Variants in SLC43A3 observed in about 807,000 individuals in gnomAD.
SLC43A3 encodes the protein solute carrier family 43 member 3.
SLC43A3 carries 33 observed loss-of-function variants against 53.3 expected under a neutral mutation model. That is an observed-to-expected ratio of 0.62 (90% CI 0.47 to 0.83). The LOEUF is 0.83. SLC43A3 is among the 40% of genes least tolerant of loss of function. SLC43A3 has a pLI of 0.00. For synonymous variants in SLC43A3, 236 were observed against 246.2 expected, an observed-to-expected ratio of 0.96 and a Z score of 0.39; for missense variants, 530 against 610.0, an observed-to-expected ratio of 0.87 and a Z score of 1.38.
chr11:57,414,840 C>G, intron 10 of SLC43A3, 93 bp downstream of exon 10: 3 of 1,536,802 alleles, frequency 2.0e-6, no homozygotes, highest in Non-Finnish European at 2.7e-6. Flanking sequence ...CCCACACCAT[C>G]AGACCCTCCT....
rs1942798226 is a variant in SLC43A3, at chr11:57,417,977, T to C, written c.532-90A>G. Reference sequence around the variant, plus strand: ...CCAAAGGATGGAAGCAAACTAAGGGTCCATCAGCAGATGAACAGCTAAACA... The same window carrying C: ...CCAAAGGATGGAAGCAAACTAAGGGCCCATCAGCAGATGAACAGCTAAACA... On this transcript the variant is annotated intron_variant, in intron 7 of 13. Coordinates refer to ENST00000395124, the MANE Select transcript of SLC43A3 (RefSeq NM_199329.3). 10 of 1,206,272 alleles carry C rather than the reference T, an allele frequency of 8.3e-6. No individual in the cohort carries two copies. The East Asian group carries it at 1.0e-4, about 12-fold the overall frequency. 74.7% of individuals were successfully genotyped at this position (1,206,272 alleles called of 1,614,324 possible).
chr11:57,410,034 GCACAGAGGGCGAAGCC>G lies in SLC43A3; in HGVS notation c.1132_1147del (p.Gly378ProfsTer17). 1 of 1,613,088 alleles carries G rather than the reference GCACAGAGGGCGAAGCC, an allele frequency of 6.2e-7. No individual in the cohort carries two copies. The highest frequency in any genetic ancestry group is 8.5e-7 in the Non-Finnish European group (1 of 1,179,746). ...CTGGAGAGGGAGGATGGGGACTGAG[GCACAGAGGGCGAAGCC>G]CAGGCACAGCAGGGATGTCAGGGCC... On this transcript the variant is annotated frameshift_variant, in exon 12 of 14. Transcript: ENST00000395124. LOFTEE classifies it high-confidence loss of function.
intron 4 of SLC43A3, among the ~76,000 whole-genome samples, chr11:57,424,400 G>C (rs910201390): frequency 1.3e-5 from 2 of 152,196 alleles, no homozygotes; most frequent in Admixed American, 1.3e-4. Flanking sequence ...TGGAGAAAGG[G>C]GTTAGTGCCT....
intron 10 of SLC43A3, 25 bp downstream of exon 10, chr11:57,414,908 G>T (rs760535253): frequency 6.2e-7 from 1 of 1,610,406 alleles, no homozygotes; most frequent in Non-Finnish European, 8.5e-7. Context: ...ATGCAGATGG[G>T]CTACCTCCCA....
intron 13 of SLC43A3, chr11:57,408,386 AC>A (rs1942298887): frequency 6.4e-6 from 1 of 155,994 alleles, no homozygotes; most frequent in Non-Finnish European, 1.4e-5. Context: ...ACATAGCGAA[AC>A]CCCAGTGTCT....
In SLC43A3 at chr11:57,425,773, G is replaced by A. The variant is rs1943180422; in HGVS notation, c.185-103C>T. 3.2e-6 allele frequency: 5 copies of A among 1,546,612 alleles called. No individual in the cohort carries two copies. In the Admixed American group the frequency reaches 9.3e-5, roughly 29 times the overall value. On this transcript the variant is annotated intron_variant, in intron 3 of 13. Coordinates refer to ENST00000395124, the MANE Select transcript of SLC43A3 (RefSeq NM_199329.3). ...CAGACAGCTTGTCGGTCGCAAACTT[G>A]TCCCTTAAGCTGAGTTGAAATGTGG...
At position 57,415,060 on chromosome 11, in the gene SLC43A3, G is replaced by T. The variant is rs145287776; in HGVS notation, c.816C>A (p.Ser272Arg). 2.6e-4 allele frequency: 418 copies of T among 1,614,096 alleles called. 3 individuals are homozygous for T. Among genetic ancestry groups the T allele is most frequent in the South Asian group, 2.2e-3 (199 of 91,074 alleles). Residue 272 changes from serine to arginine, a missense_variant, in exon 10 of 14, where the codon AGC becomes AGA. Ser to Arg is a moderately radical substitution (Grantham distance 110, BLOSUM62 -1). This residue lies in a region of SLC43A3 where 376 missense variants were observed against 386.7 expected (regional missense o/e 0.97). Transcript: ENST00000395124. ...AGGCAAAGCGCCGAGAGAAAGCGTA[G>T]CTCCAGAAGGAGCGGAGTTCCTGCT... Reference protein sequence around the residue: ...GQKQELRSFWSYAFSRRFAWH... With the variant: ...GQKQELRSFWRYAFSRRFAWH...
intron 5 of SLC43A3, among the ~76,000 whole-genome samples, chr11:57,421,908 T>G (rs764979922): frequency 2.0e-5 from 3 of 152,226 alleles, no homozygotes; most frequent in Non-Finnish European, 2.9e-5. Flanking sequence ...TCTGAGCACT[T>G]CTTTGGTGCC....
At position 57,415,049 on chromosome 11, in the gene SLC43A3, G is replaced by C. The variant is rs756724788; in HGVS notation, c.827C>G (p.Ser276Cys). The C allele has an allele frequency of 6.2e-6, 10 of 1,614,060 alleles. No homozygotes were observed. In the African/African-American group the frequency reaches 8.0e-5, roughly 13 times the overall value. ...CACCAGGTGCCAGGCAAAGCGCCGA[G>C]AGAAAGCGTAGCTCCAGAAGGAGCG... ...ELRSFWSYAF[S>C]RRFAWHLVWL... Residue 276 changes from serine to cysteine, a missense_variant, in exon 10 of 14, where the codon TCT becomes TGT. Physicochemically the swap from Ser to Cys is moderately radical, Grantham distance 112. This residue lies in a region of SLC43A3 where 376 missense variants were observed against 386.7 expected (regional missense o/e 0.97). Coordinates refer to ENST00000395124, the MANE Select transcript of SLC43A3 (RefSeq NM_199329.3).
At chr11:57,420,899 A>G in intron 7 of SLC43A3, 73 bp downstream of exon 7, 2 of 1,030,784 alleles carry the variant, frequency 1.9e-6, no homozygotes, top group East Asian at 4.8e-5. Flanking sequence ...ATGGAGACAA[A>G]TAATGCAGGT....
chr11:57,422,751 C>T (rs57079864), intron 5 of SLC43A3, among the ~76,000 whole-genome samples: 11,345 of 152,180 alleles, frequency 0.075, 1,414 homozygotes, highest in African/African-American at 0.26. Flanking sequence ...TCAAACATTA[C>T]CCAGCCACCA....
chr11:57,424,672 G>C (rs778016229), intron 4 of SLC43A3, among the ~76,000 whole-genome samples: 1 of 152,142 alleles, frequency 6.6e-6, no homozygotes, highest in Non-Finnish European at 1.5e-5. Flanking sequence ...AGGAAGGGGA[G>C]GAAAGGGGAG....
intron 11 of SLC43A3, among the ~76,000 whole-genome samples, chr11:57,413,493 T>C (rs946892449): frequency 1.3e-5 from 2 of 152,160 alleles, no homozygotes; most frequent in African/African-American, 4.8e-5. Flanking sequence ...TATAGAGAAA[T>C]ATTTACGGAT....
intron 13 of SLC43A3, 111 bp from the exon 14 acceptor site, chr11:57,408,007 T>C: frequency 1.5e-6 from 1 of 686,362 alleles, no homozygotes; most frequent in Non-Finnish European, 2.5e-6. Context: ...ACCAGAAGTC[T>C]ACCGAGTTTA....
In SLC43A3 at chr11:57,425,568, T is replaced by A. The variant is rs780786415; in HGVS notation, c.287A>T (p.Lys96Met). 1 of 1,613,938 alleles carries A rather than the reference T, an allele frequency of 6.2e-7. No individual in the cohort carries two copies. The highest frequency in any genetic ancestry group is 1.3e-5 in the African/African-American group (1 of 74,902). ...GGCTATGAGGCGTGCCACGGTGGTC[T>A]TGAACCGGTCAAAGATGTAGCCAGT... ...FPTGYIFDRF[K>M]TTVARLIAIF... The change falls in exon 4 of 14, where the codon AAG (lysine) becomes ATG (methionine). Residue 96 changes from lysine to methionine, a missense_variant. Physicochemically the swap from Lys to Met is moderately conservative, Grantham distance 95. Around this residue, in one of 3 missense-constraint regions of SLC43A3, gnomAD observed 376 missense variants for 386.7 expected, o/e 0.97. Transcript: ENST00000395124.
At chr11:57,409,357 A>G in intron 12 of SLC43A3, 59 bp from the exon 13 acceptor site, 10 of 1,603,882 alleles carry the variant, frequency 6.2e-6, no homozygotes, top group Non-Finnish European at 6.8e-6. Context: ...TCCAAGCAGA[A>G]GCCTGGCCTC....
At position 57,407,665 on chromosome 11, in the gene SLC43A3, T is replaced by TTGTGTGTG. The variant is rs3832767; in HGVS notation, c.*119_*126dup. ...GCAGACGTCCTTGTGTGTCTTTATTTTGTGTGTGTGTGTGTGTGTGTGTGT... is the reference window on the plus strand; with the variant it reads ...GCAGACGTCCTTGTGTGTCTTTATTTTGTGTGTGTGTGTGTGTGTGTGTGTGTGTGTGT... On this transcript the variant is annotated 3_prime_UTR_variant, in exon 14 of 14. Coordinates refer to ENST00000395124, the MANE Select transcript of SLC43A3 (RefSeq NM_199329.3). The TTGTGTGTG allele has an allele frequency of 0.057, 32,210 of 565,020 alleles. 468 individuals carry two copies. The highest frequency in any genetic ancestry group is 0.077 in the Non-Finnish European group (23,873 of 309,688). The allele number at this position is 565,020 out of a possible 1,614,324, so 35.0% of individuals were successfully genotyped here. A position where few individuals can be genotyped will look rare whatever the true frequency, so the allele number is the denominator to read the frequency against.
chr11:57,416,317 A>G (rs1009250594), intron 9 of SLC43A3, among the ~76,000 whole-genome samples: 1 of 152,142 alleles, frequency 6.6e-6, no homozygotes, highest in Non-Finnish European at 1.5e-5. Context: ...GGGGGAAGGG[A>G]AGGCAACCCA....
intron 7 of SLC43A3, 59 bp downstream of exon 7, chr11:57,420,913 C>G: frequency 8.5e-7 from 1 of 1,178,192 alleles, no homozygotes; most frequent in Non-Finnish European, 1.3e-6. Flanking sequence ...TGCAGGTTCA[C>G]AAGACAAGTG....
Sources: gnomAD v4.1 joint callset for allele counts (sites outside exome capture counted in the v4.1 genomes callset) on GRCh38, gnomAD v4.1.1 for gene constraint, gnomAD v4.1.1 regional missense constraint, MANE v1.5 for transcripts, NCBI Gene and HGNC (gene_info 2026-07-23, HGNC 2026-07-21) for gene names.